ADGRB3: variants seen among roughly 807,000 people sequenced by gnomAD.
ADGRB3 encodes the protein adhesion G protein-coupled receptor B3, also known as brain-specific angiogenesis inhibitor 3.
Under a neutral mutation model 193.4 loss-of-function variants are expected in ADGRB3, and 37 were observed. The ratio of observed to expected loss-of-function variants is 0.19; its 90% confidence interval spans 0.15 to 0.25. The LOEUF (loss-of-function observed/expected upper bound fraction) is 0.25, where lower values mean the gene tolerates loss of function less well. ADGRB3 is among the 10% of genes least tolerant of loss of function. ADGRB3 has a pLI of 1.00. For missense variants in ADGRB3, 1,637 were observed against 1,852.9 expected (o/e 0.88, Z 2.14); for synonymous variants, 690 against 644.2 (o/e 1.07, Z -1.08).
intron 20 of ADGRB3, among the ~76,000 whole-genome samples, chr6:69,323,484 T>C (rs1768506147): frequency 6.6e-6 from 1 of 152,080 alleles, no homozygotes; most frequent in Non-Finnish European, 1.5e-5. Context: ...AGTATAGGTA[T>C]GAGGAAGTTT....
intron 13 of ADGRB3, among the ~76,000 whole-genome samples, chr6:69,034,855 A>G (rs1265607753): frequency 6.6e-6 from 1 of 151,896 alleles, no homozygotes; most frequent in Admixed American, 6.6e-5. Context: ...TATAAAGTGA[A>G]ATAGAACACT....
At chr6:68,912,761 T>C (rs1766754172) in intron 3 of ADGRB3, among the ~76,000 whole-genome samples, 1 of 152,172 alleles carries the variant, frequency 6.6e-6, no homozygotes, top group African/African-American at 2.4e-5. Flanking sequence ...CTTAATCCAG[T>C]GCCTCACTCG....
chr6:69,218,495 A>G (rs1191796112), intron 17 of ADGRB3, among the ~76,000 whole-genome samples: 1 of 152,228 alleles, frequency 6.6e-6, no homozygotes, highest in Non-Finnish European at 1.5e-5. Flanking sequence ...AAGATATGAA[A>G]GAAAACCTAA....
At chr6:68,667,126 G>A (rs1286582500) in intron 3 of ADGRB3, among the ~76,000 whole-genome samples, 1 of 151,482 alleles carries the variant, frequency 6.6e-6, no homozygotes, top group East Asian at 1.9e-4. Context: ...TAAACTTTAG[G>A]GGAAAATGTA....
intron 3 of ADGRB3, among the ~76,000 whole-genome samples, chr6:68,670,455 G>T (rs1768923815): frequency 6.6e-6 from 1 of 151,920 alleles, no homozygotes; most frequent in Admixed American, 6.6e-5. Context: ...CTTGATGAGA[G>T]ACAGGGATCT....
intron 17 of ADGRB3, among the ~76,000 whole-genome samples, chr6:69,126,184 A>G (rs1282558657): frequency 1.3e-5 from 2 of 150,816 alleles, no homozygotes; most frequent in Admixed American, 1.3e-4. Context: ...ATTTCCCCAG[A>G]GAAACAGAAC....
intron 17 of ADGRB3, among the ~76,000 whole-genome samples, chr6:69,182,443 C>A (rs1190883664): frequency 1.3e-5 from 2 of 151,244 alleles, no homozygotes; most frequent in Non-Finnish European, 2.9e-5. Context: ...TTAAGGTATC[C>A]TAAACTAAGA....
At chr6:69,380,969 G>T (rs1769935259) in intron 30 of ADGRB3, among the ~76,000 whole-genome samples, 1 of 151,820 alleles carries the variant, frequency 6.6e-6, no homozygotes, top group Non-Finnish European at 1.5e-5. Context: ...AAGATTCATT[G>T]CTATGAAAAA....
chr6:69,018,212 G>A (rs1252846441), intron 12 of ADGRB3, among the ~76,000 whole-genome samples, 179 bp from the exon 13 acceptor site: 1 of 151,844 alleles, frequency 6.6e-6, no homozygotes. Flanking sequence ...TTCCTCCAAT[G>A]TGACACCTGA....
intron 26 of ADGRB3, among the ~76,000 whole-genome samples, chr6:69,345,791 A>G (rs1582646461): frequency 6.6e-6 from 1 of 152,190 alleles, no homozygotes. Context: ...AGGGTATTCA[A>G]ACAGGAAGAG....
intron 17 of ADGRB3, among the ~76,000 whole-genome samples, chr6:69,191,848 G>A (rs1320912092): frequency 1.3e-5 from 2 of 152,070 alleles, no homozygotes; most frequent in East Asian, 3.9e-4. Flanking sequence ...AAGATGATTA[G>A]ATAGTACAAG....
intron 20 of ADGRB3, among the ~76,000 whole-genome samples, chr6:69,275,788 A>G (rs937716177): frequency 6.6e-6 from 1 of 152,128 alleles, no homozygotes; most frequent in African/African-American, 2.4e-5. Flanking sequence ...AGTACATGGG[A>G]GTATGTGAAA....
chr6:68,918,052 G>C (rs551483633), intron 3 of ADGRB3, among the ~76,000 whole-genome samples: 9 of 152,062 alleles, frequency 5.9e-5, no homozygotes, highest in Non-Finnish European at 1.3e-4. Context: ...GATTCATAGA[G>C]GGATTTTAAT....
At chr6:69,233,245 A>G (rs1425922244) in intron 17 of ADGRB3, 45 bp from the exon 18 acceptor site, 1 of 1,603,252 alleles carries the variant, frequency 6.2e-7, no homozygotes, top group Non-Finnish European at 8.5e-7. Flanking sequence ...TTTGGCTATC[A>G]GGCGTATTTA....
At chr6:69,099,178 A>G (rs1648422276) in intron 17 of ADGRB3, among the ~76,000 whole-genome samples, 1 of 152,214 alleles carries the variant, frequency 6.6e-6, no homozygotes, top group Admixed American at 6.5e-5. Context: ...GCTGCTATCT[A>G]ACCTACAATG....
intron 26 of ADGRB3, among the ~76,000 whole-genome samples, chr6:69,350,761 CTTATT>C (rs930786748): frequency 6.6e-5 from 10 of 151,756 alleles, no homozygotes; most frequent in Admixed American, 2.6e-4. Flanking sequence ...TAGAATCTGT[CTTATT>C]TTATTTTATT....
At chr6:69,384,773 A>G (rs1770026791) in intron 31 of ADGRB3, among the ~76,000 whole-genome samples, 2 of 151,928 alleles carry the variant, frequency 1.3e-5, no homozygotes, top group Admixed American at 1.3e-4. Flanking sequence ...CATCCTAAAT[A>G]TCTGAGAAGA....
At chr6:69,072,211 A>C (rs151327702) in intron 16 of ADGRB3, among the ~76,000 whole-genome samples, 3 of 152,278 alleles carry the variant, frequency 2.0e-5, no homozygotes, top group Admixed American at 6.5e-5. Context: ...TGACTATACT[A>C]GAATAAATGT....
At chr6:69,099,349 A>C (rs1277287069) in intron 17 of ADGRB3, among the ~76,000 whole-genome samples, 1 of 152,226 alleles carries the variant, frequency 6.6e-6, no homozygotes, top group Admixed American at 6.5e-5. Flanking sequence ...GTTCTGATTG[A>C]GCCTAAATTT....
Sources: gnomAD v4.1 joint callset for allele counts (sites outside exome capture counted in the v4.1 genomes callset) on GRCh38, gnomAD v4.1.1 for gene constraint, MANE v1.5 for transcripts, NCBI Gene and HGNC (gene_info 2026-07-23, HGNC 2026-07-21) for gene names.